The following CD99 variants were observed in gnomAD, a reference collection of about 807,000 sequenced individuals.
CD99 encodes CD99 molecule (Xg blood group).
Under a neutral mutation model 28.4 loss-of-function variants are expected in CD99, and 19 were observed. The observed-to-expected ratio is 0.67, with a 90% confidence interval of 0.47 to 0.98. The LOEUF is 0.98. Ranked by LOEUF, CD99 falls within the 50% of genes least tolerant of loss-of-function variation. The pLI, the probability that CD99 is intolerant of heterozygous loss-of-function variation, is 0.00. For missense variants in CD99, 283 were observed against 248.8 expected (o/e 1.14, Z -0.92); for synonymous variants, 103 against 92.1 (o/e 1.12, Z -0.67).
intron 4 of CD99, 88 bp from the exon 5 acceptor site, chrX:2,720,268 G>GT: frequency 8.2e-7 from 1 of 1,219,594 alleles, no homozygotes; most frequent in Non-Finnish European, 1.2e-6. Flanking sequence ...TCCAATTTCT[G>GT]TTCAGGGAAC....
chrX:2,740,218 A>G (rs2050136444), intron 9 of CD99, among the ~76,000 whole-genome samples: 1 of 152,198 alleles, frequency 6.6e-6, no homozygotes, highest in African/African-American at 2.4e-5. Context: ...GCCCACTGCA[A>G]TGAAGTTGTC....
rs1319996920 is a variant in CD99 at position 2,695,033 on chromosome X, T to TC, written c.67+3611dup. Among the ~76,000 whole-genome samples the TC allele has an allele frequency of 4.6e-5, 7 of 152,102 alleles. No homozygotes were observed. The East Asian group carries it at 5.8e-4, about 13-fold the overall frequency. On this transcript the variant is annotated intron_variant, in intron 1 of 9. Coordinates refer to ENST00000381192, the MANE Select transcript of CD99 (RefSeq NM_002414.5). ...GGAATGTTTTCGGACTCAGATATCT[T>TC]CCCCCGGGGAAATAGACTTCTCAGT...
chrX:2,696,547 C>T (rs59639264), intron 1 of CD99, among the ~76,000 whole-genome samples: 3,126 of 152,200 alleles, frequency 0.021, 96 homozygotes, highest in East Asian at 0.1. Context: ...ATTACAGGTG[C>T]CCGCCACCAC....
chrX:2,736,963 C>T (rs922231739), intron 8 of CD99, among the ~76,000 whole-genome samples: 14 of 151,938 alleles, frequency 9.2e-5, no homozygotes, highest in African/African-American at 2.7e-4. Context: ...GTACACAAGA[C>T]GCCTTGGCTG....
chrX:2,729,878 C>A (rs1214614053), intron 8 of CD99, among the ~76,000 whole-genome samples: 1 of 152,052 alleles, frequency 6.6e-6, no homozygotes, highest in East Asian at 1.9e-4. Flanking sequence ...TATGTCCTGG[C>A]GAGGTGGCCG....
chrX:2,704,042 G>A (rs1489260008), intron 1 of CD99, among the ~76,000 whole-genome samples: 2 of 152,116 alleles, frequency 1.3e-5, no homozygotes, highest in East Asian at 3.9e-4. Flanking sequence ...GCAGGCTCAT[G>A]AGCCTCACCC....
At chrX:2,727,872 C>G (rs1403360397) in intron 8 of CD99, among the ~76,000 whole-genome samples, 2 of 152,188 alleles carry the variant, frequency 1.3e-5, no homozygotes, top group African/African-American at 4.8e-5. Context: ...CTTATTCATT[C>G]TTGGTCACTG....
chrX:2,733,668 C>G (rs2049792181), intron 8 of CD99: 2 of 507,296 alleles, frequency 3.9e-6, no homozygotes, highest in Non-Finnish European at 7.0e-6. Flanking sequence ...CTAACAGAAA[C>G]AGGGCAGTGA....
At position 2,741,046 on chromosome X, in the gene CD99, C is replaced by T. The variant is rs751338644; in HGVS notation, c.*242C>T. 2.3e-5 allele frequency: 13 copies of T among 567,234 alleles called. No individual in the cohort carries two copies. Among genetic ancestry groups the T allele is most frequent in the African/African-American group, 9.4e-5 (5 of 53,272 alleles). 35.1% of individuals were successfully genotyped at this position (567,234 alleles called of 1,614,324 possible). A position where few individuals can be genotyped will look rare whatever the true frequency, so the allele number is the denominator to read the frequency against. On this transcript the variant is annotated 3_prime_UTR_variant, in exon 10 of 10. Coordinates refer to ENST00000381192, the MANE Select transcript of CD99 (RefSeq NM_002414.5). ...CCCCATTCTCCAAGGCCCGGGGGGGCGGTTTCCCATGGGATGTGAAAGGCT... is the reference window on the plus strand; with the variant it reads ...CCCCATTCTCCAAGGCCCGGGGGGGTGGTTTCCCATGGGATGTGAAAGGCT...
intron 1 of CD99, chrX:2,691,759 C>T (rs761103564): frequency 5.3e-6 from 4 of 754,398 alleles, no homozygotes; most frequent in Non-Finnish European, 7.4e-6. Context: ...TGCATGAGCC[C>T]CTCACCCCAC....
intron 8 of CD99, among the ~76,000 whole-genome samples, chrX:2,732,505 C>A (rs1004644731): frequency 3.0e-4 from 46 of 151,110 alleles, no homozygotes; most frequent in Non-Finnish European, 5.2e-4. Flanking sequence ...CCCCCTCCCT[C>A]CTTCTTTTCT....
intron 8 of CD99, among the ~76,000 whole-genome samples, chrX:2,729,057 G>A (rs767554390): frequency 1.2e-3 from 178 of 152,112 alleles, no homozygotes; most frequent in Admixed American, 1.6e-3. Context: ...TCTCGAACTC[G>A]TGACCTCAGG....
At chrX:2,730,404 C>T (rs2049537509) in intron 8 of CD99, among the ~76,000 whole-genome samples, 1 of 152,024 alleles carries the variant, frequency 6.6e-6, no homozygotes, top group African/African-American at 2.4e-5. Flanking sequence ...GATCTCCTGA[C>T]CTCATGATCC....
chrX:2,709,619 G>C (rs191698844), intron 1 of CD99, among the ~76,000 whole-genome samples: 4,568 of 152,296 alleles, frequency 0.03, 203 homozygotes, highest in East Asian at 0.18. Context: ...TGCACACACA[G>C]AAACCACATG....
At chrX:2,722,521 A>C in intron 5 of CD99, 106 bp from the exon 6 acceptor site, 1 of 940,326 alleles carries the variant, frequency 1.1e-6, no homozygotes, top group Non-Finnish European at 1.8e-6. Context: ...GGGTTTCACC[A>C]TGTTGATGAA....
At chrX:2,736,096 G>A (rs774109497) in intron 8 of CD99, among the ~76,000 whole-genome samples, 350 of 151,932 alleles carry the variant, frequency 2.3e-3, no homozygotes, top group Non-Finnish European at 4.1e-3. Flanking sequence ...CAGCTACTCG[G>A]GAGGCTGAGG....
chrX:2,738,624 C>T (rs1406386031), intron 9 of CD99, among the ~76,000 whole-genome samples: 7 of 151,752 alleles, frequency 4.6e-5, no homozygotes, highest in African/African-American at 1.5e-4. Context: ...ACTTGGGAGG[C>T]TGAGGCAAGA....
At chrX:2,691,472 G>C (rs907783844) in intron 1 of CD99, 45 bp downstream of exon 1, 24 of 1,546,618 alleles carry the variant, frequency 1.6e-5, no homozygotes, top group Non-Finnish European at 2.0e-5. Flanking sequence ...GGAGGGCGCG[G>C]GCCGGGACTG....
chrX:2,735,630 C>T (rs1328000628), intron 8 of CD99, among the ~76,000 whole-genome samples: 1 of 152,102 alleles, frequency 6.6e-6, no homozygotes, highest in East Asian at 1.9e-4. Context: ...ATTATTTGTC[C>T]TCTGAAATGA....
Sources: allele counts gnomAD v4.1 joint callset (sites outside exome capture counted in the v4.1 genomes callset), GRCh38; gene constraint gnomAD v4.1.1; transcripts MANE v1.5; gene names NCBI Gene and HGNC (gene_info 2026-07-23, HGNC 2026-07-21).